Variants in PTPRM observed in about 807,000 individuals in gnomAD.
PTPRM encodes the protein protein tyrosine phosphatase receptor type M.
In PTPRM, 47 loss-of-function variants were observed where a neutral mutation model predicts 186.7. That is an observed-to-expected ratio of 0.25 (90% CI 0.20 to 0.32). The LOEUF is 0.32. Ranked by LOEUF, PTPRM falls within the 10% of genes least tolerant of loss-of-function variation. PTPRM has a pLI of 1.00. For missense variants in PTPRM, 1,494 were observed against 1,865.0 expected (o/e 0.80, Z 3.66); for synonymous variants, 668 against 674.9 (o/e 0.99, Z 0.16).
At chr18:7,744,459 C>T (rs191985225) in intron 1 of PTPRM, among the ~76,000 whole-genome samples, 3 of 152,272 alleles carry the variant, frequency 2.0e-5, no homozygotes, top group East Asian at 3.9e-4. Context: ...AAGTAAAATA[C>T]TGCAACCTAC....
intron 7 of PTPRM, among the ~76,000 whole-genome samples, chr18:7,997,924 T>C (rs1038354745): frequency 2.6e-5 from 4 of 152,204 alleles, no homozygotes; most frequent in Non-Finnish European, 4.4e-5. Flanking sequence ...ATGTCAATGT[T>C]GGTGGGAATG....
intron 4 of PTPRM, among the ~76,000 whole-genome samples, chr18:7,914,669 G>C (rs1235128069): frequency 1.3e-5 from 2 of 152,058 alleles, no homozygotes. Flanking sequence ...TTAGTTAGCT[G>C]CTAATGGTAA....
Position 7,880,313 on chromosome 18 carries a change from C to T in PTPRM, c.197-7793C>T, listed in dbSNP as rs1031463001. On this transcript the variant is annotated intron_variant, in intron 2 of 32. Transcript: ENST00000580170. ...TTTTTGCTATCTTACTGTGTTTTCA[C>T]CAGCATGTCATGAATGGGGCAAAAA... Among the ~76,000 whole-genome samples, 14 of 152,234 alleles carry T rather than the reference C, an allele frequency of 9.2e-5. No individual in the cohort carries two copies. The Middle Eastern group carries it at 0.01, about 111-fold the overall frequency.
At chr18:7,671,626 T>C (rs2039218555) in intron 1 of PTPRM, among the ~76,000 whole-genome samples, 1 of 152,208 alleles carries the variant, frequency 6.6e-6, no homozygotes, top group South Asian at 2.1e-4. Flanking sequence ...GGATGTATAA[T>C]GATTATCATT....
intron 1 of PTPRM, among the ~76,000 whole-genome samples, chr18:7,625,196 A>C (rs1353414364): frequency 6.6e-6 from 1 of 152,230 alleles, no homozygotes. Flanking sequence ...CAGGCATCAG[A>C]ATGTCATCTC....
At chr18:8,051,894 A>G (rs2087527335) in intron 7 of PTPRM, among the ~76,000 whole-genome samples, 1 of 152,196 alleles carries the variant, frequency 6.6e-6, no homozygotes, top group South Asian at 2.1e-4. Flanking sequence ...TCGTTGTTAC[A>G]TGGTTATTAC....
chr18:8,354,883 C>T (rs1260015299), intron 23 of PTPRM, among the ~76,000 whole-genome samples: 1 of 152,204 alleles, frequency 6.6e-6, no homozygotes, highest in Non-Finnish European at 1.5e-5. Flanking sequence ...AGAGATGAAG[C>T]AGCACCTAGA....
At chr18:7,817,825 G>A (rs2044927218) in intron 2 of PTPRM, among the ~76,000 whole-genome samples, 3 of 152,198 alleles carry the variant, frequency 2.0e-5, no homozygotes, top group South Asian at 2.1e-4. Context: ...TCGTGTTCCT[G>A]TGTGCTGTCT....
At chr18:8,033,344 C>T (rs929090684) in intron 7 of PTPRM, among the ~76,000 whole-genome samples, 7 of 152,128 alleles carry the variant, frequency 4.6e-5, no homozygotes, top group African/African-American at 1.7e-4. Flanking sequence ...TGTATCATGA[C>T]TATACACTAT....
At chr18:7,676,099 C>T (rs1344830308) in intron 1 of PTPRM, among the ~76,000 whole-genome samples, 1 of 152,090 alleles carries the variant, frequency 6.6e-6, no homozygotes, top group Non-Finnish European at 1.5e-5. Flanking sequence ...GGCACCAAGG[C>T]ATGAAGACAT....
intron 14 of PTPRM, among the ~76,000 whole-genome samples, chr18:8,232,913 G>C (rs576903824): frequency 2.6e-5 from 4 of 152,134 alleles, no homozygotes; most frequent in African/African-American, 7.2e-5. Context: ...TAGCAAGGAG[G>C]GGGGTGGTGG....
At chr18:7,605,148 A>G (rs1388034939) in intron 1 of PTPRM, among the ~76,000 whole-genome samples, 1 of 152,118 alleles carries the variant, frequency 6.6e-6, no homozygotes, top group Non-Finnish European at 1.5e-5. Context: ...GCCACACAGA[A>G]AATACACTAA....
intron 7 of PTPRM, among the ~76,000 whole-genome samples, chr18:7,989,474 TAATA>T (rs2083145441): frequency 6.6e-6 from 1 of 152,180 alleles, no homozygotes; most frequent in African/African-American, 2.4e-5. Flanking sequence ...CGTGTAAGCA[TAATA>T]AGAAGCACTT....
chr18:8,138,871 C>T (rs1050345145), intron 13 of PTPRM, among the ~76,000 whole-genome samples: 1 of 152,114 alleles, frequency 6.6e-6, no homozygotes, highest in Non-Finnish European at 1.5e-5. Flanking sequence ...TTCGTGATCC[C>T]TTTCTTCCTC....
At chr18:8,116,438 T>C (rs1006622277) in intron 13 of PTPRM, among the ~76,000 whole-genome samples, 1 of 152,234 alleles carries the variant, frequency 6.6e-6, no homozygotes, top group Middle Eastern at 3.2e-3. Flanking sequence ...ACGAATTGAC[T>C]CACCAAGGTG....
chr18:7,984,578 T>TATATATATATATATGCCCC (rs1555676775), intron 7 of PTPRM, among the ~76,000 whole-genome samples: 1 of 91,576 alleles, frequency 1.1e-5, no homozygotes, highest in Non-Finnish European at 2.1e-5. Flanking sequence ...GCCCCATATA[T>TATATATATATATATGCCCC]ATATATATAT....
chr18:8,171,539 A>G (rs2093401018), intron 14 of PTPRM, among the ~76,000 whole-genome samples: 1 of 152,182 alleles, frequency 6.6e-6, no homozygotes, highest in South Asian at 2.1e-4. Flanking sequence ...GAGAATCACA[A>G]CCAAGAGAAA....
In PTPRM at chr18:7,845,057, G is replaced by A. The variant is rs531702680; in HGVS notation, c.197-43049G>A. ...TAGACAGGATCTATAAGGTATGTCC[G>A]TAAGATTCTTAGCCTTTTATCTGAA... On this transcript the variant is annotated intron_variant, in intron 2 of 32. Transcript: ENST00000580170. 4.6e-5 allele frequency among the ~76,000 whole-genome samples: 7 copies of A among 152,218 alleles called. No individual in the cohort carries two copies. In the South Asian group the frequency reaches 8.3e-4, roughly 18 times the overall value.
At chr18:7,687,927 G>A (rs1007353069) in intron 1 of PTPRM, among the ~76,000 whole-genome samples, 2 of 151,886 alleles carry the variant, frequency 1.3e-5, no homozygotes, top group East Asian at 1.9e-4. Flanking sequence ...ACAGGCACAC[G>A]CCACCATGCC....
Sources: allele counts gnomAD v4.1 joint callset (sites outside exome capture counted in the v4.1 genomes callset), GRCh38; gene constraint gnomAD v4.1.1; transcripts MANE v1.5; gene names NCBI Gene and HGNC (gene_info 2026-07-23, HGNC 2026-07-21).